The following BRINP1 variants were observed in gnomAD, a reference collection of about 807,000 sequenced individuals.
BRINP1 encodes BMP/retinoic acid inducible neural specific 1, also known as BMP/retinoic acid-inducible neural-specific protein 1.
BRINP1 carries 17 observed loss-of-function variants against 72.9 expected under a neutral mutation model. The ratio of observed to expected loss-of-function variants is 0.23; its 90% CI spans 0.16 to 0.35. The LOEUF (loss-of-function observed/expected upper bound fraction) is 0.35, where lower values mean the gene tolerates loss of function less well. Among genes scored for constraint, BRINP1 ranks in the 10% least tolerant of loss-of-function variants. The pLI is 1.00. For missense variants in BRINP1, 850 were observed against 1,001.6 expected (o/e 0.85, Z 2.04); for synonymous variants, 418 against 378.5 (o/e 1.10, Z -1.21).
intron 5 of BRINP1, among the ~76,000 whole-genome samples, chr9:119,227,059 T>C (rs1173366267): frequency 6.6e-6 from 1 of 152,068 alleles, no homozygotes; most frequent in African/African-American, 2.4e-5. Context: ...ATGAGCTCTA[T>C]ACCTGGCACA....
chr9:119,201,993 A>G (rs1343644996), intron 7 of BRINP1, among the ~76,000 whole-genome samples: 2 of 151,772 alleles, frequency 1.3e-5, no homozygotes, highest in Non-Finnish European at 2.9e-5. Flanking sequence ...CATGACAGGC[A>G]ATTTCCACCA....
At chr9:119,278,639 C>T (rs1830679184) in intron 2 of BRINP1, among the ~76,000 whole-genome samples, 1 of 152,162 alleles carries the variant, frequency 6.6e-6, no homozygotes, top group African/African-American at 2.4e-5. Flanking sequence ...CCTGTAATCC[C>T]AGCACTTTGG....
At chr9:119,360,793 A>G (rs1164981240) in intron 1 of BRINP1, among the ~76,000 whole-genome samples, 1 of 152,184 alleles carries the variant, frequency 6.6e-6, no homozygotes, top group Non-Finnish European at 1.5e-5. Context: ...ATTATATCTT[A>G]GAAACCTCCC....
intron 7 of BRINP1, among the ~76,000 whole-genome samples, chr9:119,181,084 G>A (rs1353614972): frequency 6.6e-6 from 1 of 152,152 alleles, no homozygotes; most frequent in Non-Finnish European, 1.5e-5. Context: ...TTTTGCTTTG[G>A]GGCATGAATG....
chr9:119,354,553 G>A (rs1587970928), intron 1 of BRINP1, among the ~76,000 whole-genome samples: 1 of 152,094 alleles, frequency 6.6e-6, no homozygotes, highest in Non-Finnish European at 1.5e-5. Flanking sequence ...CAGGGGATGT[G>A]AGGGTCCAGG....
chr9:119,197,907 G>C (rs933043006), intron 7 of BRINP1, among the ~76,000 whole-genome samples: 1 of 152,178 alleles, frequency 6.6e-6, no homozygotes, highest in Non-Finnish European at 1.5e-5. Flanking sequence ...TTTGAATTCA[G>C]TGGGAAAATT....
intron 1 of BRINP1, among the ~76,000 whole-genome samples, chr9:119,361,546 G>A (rs1831630024): frequency 6.6e-6 from 1 of 152,130 alleles, no homozygotes; most frequent in Non-Finnish European, 1.5e-5. Flanking sequence ...TAAATCTTAT[G>A]AGGAAGCACA....
At chr9:119,225,118 G>A (rs1180287095) in intron 5 of BRINP1, among the ~76,000 whole-genome samples, 2 of 151,876 alleles carry the variant, frequency 1.3e-5, no homozygotes, top group African/African-American at 4.8e-5. Context: ...AGTAGTCAAA[G>A]GTGGAAACAA....
At chr9:119,207,825 A>AC (rs562042334) in intron 7 of BRINP1, among the ~76,000 whole-genome samples, 7 of 152,192 alleles carry the variant, frequency 4.6e-5, no homozygotes, top group African/African-American at 1.7e-4. Context: ...TGAAGGTAGA[A>AC]CCCCCAAATA....
intron 1 of BRINP1, among the ~76,000 whole-genome samples, chr9:119,359,835 C>A (rs7026184): frequency 1.1e-3 from 161 of 152,320 alleles, no homozygotes; most frequent in Middle Eastern, 0.01. Context: ...CATTGCAACA[C>A]AAAGAATATG....
In BRINP1 at chr9:119,368,378, C is replaced by T. The variant is rs902928612; in HGVS notation, c.-51+678G>A. ...CCTCGGGGGTTGGCCATGTCTCTTT[C>T]ATATTAAGCTGTGGGTCCCAGTGTA... On this transcript the variant is annotated intron_variant, in intron 1 of 7. Transcript: ENST00000265922. This position sits in a 1 kb window ranked among gnomAD's most constrained non-coding sequence, Gnocchi z 4.7. Among the ~76,000 whole-genome samples, 1 of 152,068 alleles carries T rather than the reference C, an allele frequency of 6.6e-6. No individual in the cohort carries two copies. The highest frequency in any genetic ancestry group is 1.5e-5 in the Non-Finnish European group (1 of 68,022).
At chr9:119,254,063 C>T (rs1424724176) in intron 2 of BRINP1, among the ~76,000 whole-genome samples, 1 of 152,114 alleles carries the variant, frequency 6.6e-6, no homozygotes, top group Non-Finnish European at 1.5e-5. Flanking sequence ...CAGATCTATT[C>T]AGAGCTAGAT....
At chr9:119,278,628 G>A (rs538110072) in intron 2 of BRINP1, among the ~76,000 whole-genome samples, 3 of 152,232 alleles carry the variant, frequency 2.0e-5, no homozygotes, top group Admixed American at 6.5e-5. Context: ...GGTGGCTCGC[G>A]CCTGTAATCC....
chr9:119,367,118 C>T (rs1434389204), intron 1 of BRINP1, among the ~76,000 whole-genome samples: 1 of 151,026 alleles, frequency 6.6e-6, no homozygotes, highest in East Asian at 2.0e-4. Context: ...CAAGTGCCTG[C>T]AGGTAGAACC....
At chr9:119,299,051 A>G (rs893453600) in intron 2 of BRINP1, among the ~76,000 whole-genome samples, 2 of 152,138 alleles carry the variant, frequency 1.3e-5, no homozygotes, top group Non-Finnish European at 2.9e-5. Context: ...GCATTACCTC[A>G]CATACTTATT....
At chr9:119,341,415 C>T (rs1216285883) in intron 1 of BRINP1, among the ~76,000 whole-genome samples, 6 of 152,260 alleles carry the variant, frequency 3.9e-5, no homozygotes, top group Middle Eastern at 3.4e-3. Context: ...TTTGTAAATA[C>T]GGATGATCCC....
chr9:119,366,424 T>C (rs1156265804), intron 1 of BRINP1, among the ~76,000 whole-genome samples: 1 of 151,830 alleles, frequency 6.6e-6, no homozygotes, highest in African/African-American at 2.4e-5. Context: ...GGGTCCTTGC[T>C]TGTCGGTAAT....
rs371343100 is a variant in BRINP1 at position 119,268,285 on chromosome 9, T to TAGATAGATAGACAGAC, written c.219-19136_219-19135insGTCTGTCTATCTATCT. On this transcript the variant is annotated intron_variant, in intron 2 of 7. Coordinates refer to ENST00000265922, the MANE Select transcript of BRINP1 (RefSeq NM_014618.3). ...ATAGATAGATAGATAGATAGATAGA[T>TAGATAGATAGACAGAC]AGATAGATAGATAGATAAAAGTGTT... Among the ~76,000 whole-genome samples, 337 of 148,620 alleles carry TAGATAGATAGACAGAC rather than the reference T, an allele frequency of 2.3e-3. 3 individuals carry two copies. The highest frequency in any genetic ancestry group is 5.7e-3 in the East Asian group (28 of 4,952).
chr9:119,352,180 T>C (rs145066402), intron 1 of BRINP1, among the ~76,000 whole-genome samples: 50 of 152,346 alleles, frequency 3.3e-4, no homozygotes, highest in African/African-American at 1.2e-3. Context: ...AGAACTTTTA[T>C]AATGTGCAGA....
Sources: gnomAD v4.1 joint callset for allele counts (sites outside exome capture counted in the v4.1 genomes callset) on GRCh38, gnomAD v4.1.1 for gene constraint, Gnocchi (gnomAD v3.1) non-coding constraint, MANE v1.5 for transcripts, NCBI Gene and HGNC (gene_info 2026-07-23, HGNC 2026-07-21) for gene names.